Variants in CNTNAP2 observed in about 807,000 individuals in gnomAD.
The protein encoded by CNTNAP2 is contactin-associated protein-like 2.
CNTNAP2 carries 98 observed loss-of-function variants against 155.2 expected under a neutral mutation model. That is an observed-to-expected ratio of 0.63 (90% CI 0.54 to 0.75). The LOEUF (loss-of-function observed/expected upper bound fraction) is 0.75, where lower values mean the gene tolerates loss of function less well. Ranked by LOEUF, CNTNAP2 falls within the 30% of genes least tolerant of loss-of-function variation. The pLI is 0.00. For synonymous variants in CNTNAP2, 651 were observed against 631.2 expected (o/e 1.03, Z -0.47); for missense variants, 1,727 against 1,688.1 (o/e 1.02, Z -0.40).
intron 3 of CNTNAP2, among the ~76,000 whole-genome samples, chr7:147,016,744 T>G (rs924897312): frequency 6.6e-6 from 1 of 152,058 alleles, no homozygotes; most frequent in African/African-American, 2.4e-5. Flanking sequence ...AGGCACAAAA[T>G]AGTTTCTAGA....
chr7:146,769,540 T>C (rs1401974347), intron 1 of CNTNAP2, among the ~76,000 whole-genome samples: 1 of 152,202 alleles, frequency 6.6e-6, no homozygotes, highest in Non-Finnish European at 1.5e-5. Context: ...AATTTCAAAT[T>C]CATTGTGGGC....
At chr7:146,367,674 T>G (rs1455518875) in intron 1 of CNTNAP2, among the ~76,000 whole-genome samples, 1 of 152,168 alleles carries the variant, frequency 6.6e-6, no homozygotes, top group East Asian at 1.9e-4. Flanking sequence ...CTATTCTGTA[T>G]GTAACTCAAT....
intron 1 of CNTNAP2, among the ~76,000 whole-genome samples, chr7:146,554,053 A>G (rs1399050078): frequency 1.3e-5 from 2 of 152,192 alleles, no homozygotes; most frequent in Non-Finnish European, 2.9e-5. Flanking sequence ...TTTGTTGGTC[A>G]GATATCTGTA....
chr7:146,532,037 A>C (rs1476116739), intron 1 of CNTNAP2, among the ~76,000 whole-genome samples: 1 of 152,144 alleles, frequency 6.6e-6, no homozygotes, highest in African/African-American at 2.4e-5. Flanking sequence ...TAAAAATTAC[A>C]ATCTTGGCGA....
chr7:148,375,655 G>A (rs957696260), intron 21 of CNTNAP2, among the ~76,000 whole-genome samples: 96 of 150,862 alleles, frequency 6.4e-4, no homozygotes, highest in African/African-American at 2.2e-3. Context: ...CACCATGCCC[G>A]GCCATTACAA....
intron 1 of CNTNAP2, among the ~76,000 whole-genome samples, chr7:146,509,829 G>A (rs1247021471): frequency 1.3e-5 from 2 of 152,092 alleles, no homozygotes; most frequent in Non-Finnish European, 2.9e-5. Flanking sequence ...GCTGGGAAAG[G>A]CACACTCCTT....
At chr7:147,104,790 G>A (rs1800725401) in intron 4 of CNTNAP2, among the ~76,000 whole-genome samples, 1 of 147,352 alleles carries the variant, frequency 6.8e-6, no homozygotes, top group South Asian at 2.1e-4. Context: ...CAAATTATTA[G>A]TGTACATTTT....
At chr7:147,118,694 G>A (rs1161400008) in intron 5 of CNTNAP2, among the ~76,000 whole-genome samples, 3 of 151,982 alleles carry the variant, frequency 2.0e-5, no homozygotes, top group African/African-American at 7.2e-5. Flanking sequence ...GCATGTTACT[G>A]TACTGAATAC....
At chr7:147,575,470 A>G (rs1021447383) in intron 12 of CNTNAP2, among the ~76,000 whole-genome samples, 1 of 108,934 alleles carries the variant, frequency 9.2e-6, no homozygotes. Context: ...TTAGGGGTGT[A>G]TATATGTGTG....
At chr7:148,061,882 G>GATAGATAGATAGATAGATAAACAGAT (rs777747580) in intron 15 of CNTNAP2, among the ~76,000 whole-genome samples, 4 of 90,340 alleles carry the variant, frequency 4.4e-5, no homozygotes, top group East Asian at 1.5e-3. Flanking sequence ...AACAGATATA[G>GATAGATAGATAGATAGATAAACAGAT]ATAGATAGAT....
chr7:147,362,387 G>A lies in CNTNAP2; in HGVS notation c.1499-33222G>A, dbSNP rs190140873. Among the ~76,000 whole-genome samples, 20 of 152,162 alleles carry A rather than the reference G, an allele frequency of 1.3e-4. No homozygotes were observed. In the South Asian group the frequency reaches 1.9e-3, roughly 14 times the overall value. The stretch of plus-strand genomic sequence containing the variant: ...TGAGCCCAAGAGATCCTCCTGCCTC[G>A]GCCACACAAAGTGCTCGGATTACAG... On this transcript the variant is annotated intron_variant, in intron 9 of 23. Coordinates refer to ENST00000361727, the MANE Select transcript of CNTNAP2 (RefSeq NM_014141.6).
Position 147,232,266 on chromosome 7 carries a change from A to G in CNTNAP2, c.1349-67875A>G, listed in dbSNP as rs186651539. On this transcript the variant is annotated intron_variant, in intron 8 of 23. Transcript: ENST00000361727. ...TACATATAAACCACAGCGATCTACA[A>G]ATTCAAACTAGTCATCAAAATTCCA... 2.7e-3 allele frequency among the ~76,000 whole-genome samples: 410 copies of G among 152,262 alleles called. 1 individual carries two copies. The highest frequency in any genetic ancestry group is 9.2e-3 in the African/African-American group (384 of 41,532).
intron 1 of CNTNAP2, among the ~76,000 whole-genome samples, chr7:146,721,483 C>CTA (rs1485048146): frequency 8.2e-6 from 1 of 121,274 alleles, no homozygotes; most frequent in African/African-American, 3.3e-5. Flanking sequence ...TATATATATT[C>CTA]TATATACATT....
intron 3 of CNTNAP2, among the ~76,000 whole-genome samples, chr7:146,952,533 C>G (rs1384277874): frequency 6.6e-6 from 1 of 152,106 alleles, no homozygotes; most frequent in African/African-American, 2.4e-5. Flanking sequence ...GAAACCCCAT[C>G]GCCTCAGCCA....
intron 12 of CNTNAP2, among the ~76,000 whole-genome samples, chr7:147,582,822 A>G (rs1037706497): frequency 1.3e-5 from 2 of 152,222 alleles, no homozygotes; most frequent in Non-Finnish European, 2.9e-5. Flanking sequence ...AAAAGTAACT[A>G]TAGCCAAAGC....
chr7:146,951,103 T>C (rs1339939253), intron 3 of CNTNAP2, among the ~76,000 whole-genome samples: 1 of 152,188 alleles, frequency 6.6e-6, no homozygotes, highest in South Asian at 2.1e-4. Flanking sequence ...TTTTGAGAAG[T>C]GTCTGTTCAT....
chr7:146,949,623 C>T (rs1045398018), intron 3 of CNTNAP2, among the ~76,000 whole-genome samples: 2 of 152,266 alleles, frequency 1.3e-5, no homozygotes, highest in East Asian at 3.9e-4. Context: ...GGGAAGAAAT[C>T]TAAATTTCTT....
At chr7:146,373,329 A>G (rs945095081) in intron 1 of CNTNAP2, among the ~76,000 whole-genome samples, 1 of 152,166 alleles carries the variant, frequency 6.6e-6, no homozygotes, top group African/African-American at 2.4e-5. Context: ...AAGTATCTCC[A>G]GGCATTTGAG....
At chr7:147,427,860 A>G (rs946143460) in intron 10 of CNTNAP2, among the ~76,000 whole-genome samples, 5 of 152,120 alleles carry the variant, frequency 3.3e-5, no homozygotes, top group East Asian at 1.9e-4. Context: ...ACATACCCCA[A>G]CTGTTTGTTT....
Sources: gnomAD v4.1 joint callset for allele counts (sites outside exome capture counted in the v4.1 genomes callset) on GRCh38, gnomAD v4.1.1 for gene constraint, MANE v1.5 for transcripts, NCBI Gene and HGNC (gene_info 2026-07-23, HGNC 2026-07-21) for gene names.